SRGAP3: variants seen among roughly 807,000 people sequenced by gnomAD.
SRGAP3 encodes SLIT-ROBO Rho GTPase activating protein 3.
A neutral mutation model predicts 121.1 loss-of-function variants in SRGAP3; 39 were observed. The ratio of observed to expected loss-of-function variants is 0.32; its 90% CI spans 0.25 to 0.42. The LOEUF is 0.42. Among genes scored for constraint, SRGAP3 ranks in the 10% least tolerant of loss-of-function variants. The pLI is 1.00. For missense variants in SRGAP3, 1,213 were observed against 1,470.6 expected, an observed-to-expected ratio of 0.82 and a Z score of 2.86; for synonymous variants, 601 against 570.0, an observed-to-expected ratio of 1.05 and a Z score of -0.77.
chr3:9,187,050 G>A (rs543247128), intron 1 of SRGAP3, among the ~76,000 whole-genome samples: 4 of 152,140 alleles, frequency 2.6e-5, no homozygotes, highest in Admixed American at 6.5e-5. Flanking sequence ...GCCATGATGC[G>A]TTGCTGCACC....
chr3:9,278,206 T>A (rs1954617659), intron 3 of SRGAP3, among the ~76,000 whole-genome samples: 2 of 152,234 alleles, frequency 1.3e-5, no homozygotes, highest in African/African-American at 4.8e-5. Flanking sequence ...AACTTGAGTC[T>A]GTTTGATCAC....
At chr3:9,192,264 G>T (rs1332403814) in intron 1 of SRGAP3, among the ~76,000 whole-genome samples, 1 of 152,204 alleles carries the variant, frequency 6.6e-6, no homozygotes, top group Non-Finnish European at 1.5e-5. Context: ...GAGTATCTTT[G>T]TATCGCTGGG....
chr3:9,039,742 G>T (rs1248512991), intron 10 of SRGAP3, among the ~76,000 whole-genome samples: 1 of 152,198 alleles, frequency 6.6e-6, no homozygotes, highest in East Asian at 1.9e-4. Flanking sequence ...ACAAGATGTG[G>T]TCTTCTGCAT....
intron 1 of SRGAP3, among the ~76,000 whole-genome samples, chr3:9,177,156 G>T (rs1315881289): frequency 2.6e-5 from 4 of 152,110 alleles, no homozygotes; most frequent in Non-Finnish European, 5.9e-5. Context: ...ACCAACTACT[G>T]GGCACCAGCT....
chr3:9,314,706 T>C (rs1426364490), intron 3 of SRGAP3, among the ~76,000 whole-genome samples: 1 of 146,208 alleles, frequency 6.8e-6, no homozygotes, highest in African/African-American at 2.7e-5. Flanking sequence ...AGGGCTGTGA[T>C]CCCCCACCTC....
intron 1 of SRGAP3, among the ~76,000 whole-genome samples, chr3:9,241,772 C>T (rs1953647428): frequency 6.6e-6 from 1 of 151,894 alleles, no homozygotes; most frequent in Non-Finnish European, 1.5e-5. Context: ...GTATTAGTGC[C>T]CTTATAAGAA....
intron 3 of SRGAP3, among the ~76,000 whole-genome samples, chr3:9,104,148 GA>G (rs34165559): frequency 1.3e-5 from 2 of 152,276 alleles, no homozygotes; most frequent in East Asian, 1.9e-4. Flanking sequence ...ATTGATGTGG[GA>G]AAATGTAATA....
chr3:9,027,305 G>T (rs1044823962), intron 12 of SRGAP3, among the ~76,000 whole-genome samples: 1 of 152,206 alleles, frequency 6.6e-6, no homozygotes, highest in Non-Finnish European at 1.5e-5. Context: ...CCACCTCGGG[G>T]GGGTGCTGGA....
chr3:9,168,307 G>A (rs1950862962), intron 1 of SRGAP3, among the ~76,000 whole-genome samples: 1 of 152,186 alleles, frequency 6.6e-6, no homozygotes, highest in African/African-American at 2.4e-5. Context: ...CCAGTGGCAG[G>A]AGCCCAACCA....
chr3:9,180,230 G>A (rs1466673929), intron 1 of SRGAP3, among the ~76,000 whole-genome samples: 3 of 152,218 alleles, frequency 2.0e-5, no homozygotes, highest in Non-Finnish European at 4.4e-5. Context: ...GAACACCCAA[G>A]GCTCAGGAAG....
At chr3:9,139,132 CTGT>C (rs1949765052) in intron 1 of SRGAP3, among the ~76,000 whole-genome samples, 2 of 152,326 alleles carry the variant, frequency 1.3e-5, no homozygotes, top group Admixed American at 1.3e-4. Flanking sequence ...CCTTTCTGCC[CTGT>C]TGTTACAAAA....
At chr3:9,117,038 T>A (rs1212386204) in intron 2 of SRGAP3, among the ~76,000 whole-genome samples, 4 of 152,014 alleles carry the variant, frequency 2.6e-5, no homozygotes, top group Non-Finnish European at 5.9e-5. Context: ...TCAGGAAAGA[T>A]CCAGCTGGCA....
chr3:9,133,539 C>T lies in SRGAP3; in HGVS notation c.68-8622G>A, dbSNP rs1479582263. On this transcript the variant is annotated intron_variant, in intron 1 of 21. Coordinates refer to ENST00000383836, the MANE Select transcript of SRGAP3 (RefSeq NM_014850.4). Reference sequence around the variant, plus strand: ...TCAGTCCAAATCATTATATAAAGAACTTCCTCATTCCTTTTACAGCACACT... The same window carrying T: ...TCAGTCCAAATCATTATATAAAGAATTTCCTCATTCCTTTTACAGCACACT... Among the ~76,000 whole-genome samples the T allele has an allele frequency of 2.0e-5, 3 of 152,180 alleles. No individual in the cohort carries two copies. In the East Asian group the frequency reaches 5.8e-4, roughly 29 times the overall value.
At chr3:9,189,581 T>C (rs1356402058) in intron 1 of SRGAP3, among the ~76,000 whole-genome samples, 1 of 152,200 alleles carries the variant, frequency 6.6e-6, no homozygotes, top group Non-Finnish European at 1.5e-5. Context: ...TCCCTACACT[T>C]CCTGTAATCC....
chr3:9,209,503 T>G (rs539391516), intron 1 of SRGAP3, among the ~76,000 whole-genome samples: 1 of 152,218 alleles, frequency 6.6e-6, no homozygotes, highest in African/African-American at 2.4e-5. Flanking sequence ...CGGCCCATAT[T>G]GACAAGTGTG....
chr3:9,331,232 A>G (rs1955600571), intron 1 of SRGAP3, among the ~76,000 whole-genome samples: 1 of 152,242 alleles, frequency 6.6e-6, no homozygotes, highest in African/African-American at 2.4e-5. Context: ...GCTATCATTC[A>G]TTTGAATACC....
chr3:9,073,050 C>T (rs1326610506), intron 4 of SRGAP3, among the ~76,000 whole-genome samples: 3 of 152,202 alleles, frequency 2.0e-5, no homozygotes, highest in South Asian at 2.1e-4. Flanking sequence ...ACTAACAGAA[C>T]GCTTCTATTT....
At position 9,027,968 on chromosome 3, in the gene SRGAP3, T is replaced by C. The variant is rs1218001124; in HGVS notation, c.1540-973A>G. 8.5e-6 allele frequency: 9 copies of C among 1,056,798 alleles called. No homozygotes were observed. The African/African-American group carries it at 1.3e-4, about 15-fold the overall frequency. 65.5% of individuals were successfully genotyped at this position (1,056,798 alleles called of 1,614,324 possible). A position where few individuals can be genotyped will look rare whatever the true frequency, so the allele number is the denominator to read the frequency against. On this transcript the variant is annotated intron_variant, in intron 12 of 21. Coordinates refer to ENST00000383836, the MANE Select transcript of SRGAP3 (RefSeq NM_014850.4). ...CCCACCTGTGAATTCTTTCCTTGAT[T>C]GACTGTGCCCAGGGACAGGACAAGA... is the stretch of plus-strand genomic sequence containing the variant.
At chr3:9,217,563 T>G (rs994948482) in intron 1 of SRGAP3, 4 of 152,132 alleles carry the variant, frequency 2.6e-5, no homozygotes, top group African/African-American at 4.8e-5. Context: ...GGAGAAGAAC[T>G]ACCTCAATTG....
Sources: gnomAD v4.1 joint callset for allele counts (sites outside exome capture counted in the v4.1 genomes callset) on GRCh38, gnomAD v4.1.1 for gene constraint, MANE v1.5 for transcripts, NCBI Gene and HGNC (gene_info 2026-07-23, HGNC 2026-07-21) for gene names.